FNDC3B: variants seen among roughly 807,000 people sequenced by gnomAD.
FNDC3B encodes fibronectin type III domain containing 3B.
FNDC3B carries 12 observed loss-of-function variants against 151.5 expected under a neutral mutation model. The observed-to-expected ratio is 0.08, with a 90% CI of 0.05 to 0.13. FNDC3B has a LOEUF of 0.13. Among genes scored for constraint, FNDC3B ranks in the 10% least tolerant of loss-of-function variants. The pLI, the probability that FNDC3B is intolerant of heterozygous loss-of-function variation, is 1.00. For synonymous variants in FNDC3B, 528 were observed against 549.0 expected, an observed-to-expected ratio of 0.96 and a Z score of 0.54; for missense variants, 1,214 against 1,505.3, an observed-to-expected ratio of 0.81 and a Z score of 3.20.
In FNDC3B at chr3:172,039,682, C is replaced by T. The variant is rs1715918244; in HGVS notation, c.-118C>T. ...GCGGCGGCGGGAGCAGCGAAGGGGG[C>T]GGCAGGGATCCTCCAGGCTGCCGGC... On this transcript the variant is annotated 5_prime_UTR_variant, in exon 1 of 26. Coordinates refer to ENST00000415807, the MANE Select transcript of FNDC3B (RefSeq NM_022763.4). 1 of 164,252 alleles carries T rather than the reference C, an allele frequency of 6.1e-6. No homozygotes were observed. Among genetic ancestry groups the T allele is most frequent in the Non-Finnish European group, 1.3e-5 (1 of 77,556 alleles). The allele number at this position is 164,252 out of a possible 1,614,324, so 10.2% of individuals were successfully genotyped here. A position where few individuals can be genotyped will look rare whatever the true frequency, so the allele number is the denominator to read the frequency against.
chr3:172,181,108 G>GT (rs199938677), intron 3 of FNDC3B, among the ~76,000 whole-genome samples: 124,668 of 151,932 alleles, frequency 0.82, 51,781 homozygotes, highest in African/African-American at 0.95. Context: ...TATATTCTAA[G>GT]ATGACAGCCT....
At chr3:172,212,913 T>C (rs773562108) in intron 3 of FNDC3B, among the ~76,000 whole-genome samples, 4 of 152,104 alleles carry the variant, frequency 2.6e-5, no homozygotes, top group Admixed American at 6.5e-5. Context: ...ATGCATATGC[T>C]ATGGTCACAG....
intron 1 of FNDC3B, among the ~76,000 whole-genome samples, chr3:172,092,509 T>G (rs1718889919): frequency 6.6e-6 from 1 of 152,218 alleles, no homozygotes; most frequent in Non-Finnish European, 1.5e-5. Flanking sequence ...TTTTTGAGTA[T>G]CTCTCAGAGA....
At chr3:172,346,259 A>G in intron 19 of FNDC3B, 68 bp from the exon 20 acceptor site, 1 of 835,548 alleles carries the variant, frequency 1.2e-6, no homozygotes, top group Non-Finnish European at 1.9e-6. Context: ...AAGCTTTTGT[A>G]TGCACACACA....
At chr3:172,096,039 C>G (rs1003971076) in intron 1 of FNDC3B, among the ~76,000 whole-genome samples, 1 of 152,182 alleles carries the variant, frequency 6.6e-6, no homozygotes, top group Non-Finnish European at 1.5e-5. Flanking sequence ...TCTAAAATAT[C>G]TTAAGCCACA....
At chr3:172,383,935 T>C (rs114246275) in intron 25 of FNDC3B, among the ~76,000 whole-genome samples, 70 of 152,264 alleles carry the variant, frequency 4.6e-4, no homozygotes, top group African/African-American at 1.6e-3. Context: ...GCACTTTTAA[T>C]AGGAGCGTTC....
intron 3 of FNDC3B, among the ~76,000 whole-genome samples, chr3:172,145,039 C>G (rs905708451): frequency 6.6e-6 from 1 of 151,640 alleles, no homozygotes; most frequent in African/African-American, 2.4e-5. Flanking sequence ...AAGATTATTT[C>G]CCCCCTAAGT....
At chr3:172,123,238 T>C (rs1006641272) in intron 2 of FNDC3B, among the ~76,000 whole-genome samples, 15 of 152,246 alleles carry the variant, frequency 9.9e-5, no homozygotes, top group Admixed American at 9.2e-4. Context: ...ATAGTCCCCT[T>C]ATGTTGCCCA....
chr3:172,159,396 A>G (rs1722661083), intron 3 of FNDC3B, among the ~76,000 whole-genome samples: 1 of 152,164 alleles, frequency 6.6e-6, no homozygotes, highest in South Asian at 2.1e-4. Context: ...TGTCTTGATT[A>G]CTGTAGCTAC....
intron 1 of FNDC3B, among the ~76,000 whole-genome samples, chr3:172,063,874 T>TA (rs1717350904): frequency 6.6e-6 from 1 of 152,132 alleles, no homozygotes; most frequent in African/African-American, 2.4e-5. Flanking sequence ...CAAATTTATT[T>TA]ATATGTTGAA....
intron 3 of FNDC3B, among the ~76,000 whole-genome samples, chr3:172,202,565 A>C (rs1451475769): frequency 6.6e-6 from 1 of 152,242 alleles, no homozygotes; most frequent in Middle Eastern, 3.2e-3. Context: ...GCAAGTGGTT[A>C]TTCCTAATTT....
At chr3:172,226,317 A>AG (rs1259680008) in intron 3 of FNDC3B, among the ~76,000 whole-genome samples, 215 of 151,914 alleles carry the variant, frequency 1.4e-3, no homozygotes, top group Middle Eastern at 6.8e-3. Context: ...AAAAAAAAAA[A>AG]AAAAAATGTA....
At chr3:172,168,861 G>A (rs531054175) in intron 3 of FNDC3B, among the ~76,000 whole-genome samples, 16 of 150,994 alleles carry the variant, frequency 1.1e-4, no homozygotes, top group African/African-American at 1.9e-4. Context: ...TACAGGCGGC[G>A]CCACCACTCC....
At chr3:172,182,387 A>G (rs1723958088) in intron 3 of FNDC3B, among the ~76,000 whole-genome samples, 1 of 152,204 alleles carries the variant, frequency 6.6e-6, no homozygotes, top group Admixed American at 6.5e-5. Flanking sequence ...TGAATGTGGT[A>G]TGCTAGACAC....
intron 6 of FNDC3B, among the ~76,000 whole-genome samples, chr3:172,262,591 A>AT (rs150307373): frequency 0.035 from 5,205 of 149,752 alleles, 245 homozygotes; most frequent in African/African-American, 0.11. Context: ...GAAATTGAGA[A>AT]TTTTTTTTTT....
chr3:172,089,644 A>G (rs1168260319), intron 1 of FNDC3B, among the ~76,000 whole-genome samples: 1 of 152,316 alleles, frequency 6.6e-6, no homozygotes, highest in African/African-American at 2.4e-5. Flanking sequence ...CACTATCTTA[A>G]TATCTCTGAC....
intron 1 of FNDC3B, among the ~76,000 whole-genome samples, chr3:172,102,886 A>G (rs79047772): frequency 0.016 from 2,386 of 152,266 alleles, 28 homozygotes; most frequent in Non-Finnish European, 0.022. Flanking sequence ...AACACATAAC[A>G]TTTCAAATTT....
rs551730916 is a variant in FNDC3B, at chr3:172,181,405, A to C, written c.188-45466A>C. ...GTGAGACTCTGTCTCCAAAAAAAAAAAAAAAAAAACAAAAAAAAACACCTT... is the reference window on the plus strand; with the variant it reads ...GTGAGACTCTGTCTCCAAAAAAAAACAAAAAAAAACAAAAAAAAACACCTT... On this transcript the variant is annotated intron_variant, in intron 3 of 25. Transcript: ENST00000415807. Among the ~76,000 whole-genome samples the C allele has an allele frequency of 5.8e-4, 85 of 146,196 alleles. 1 individual carries two copies. Among genetic ancestry groups the C allele is most frequent in the East Asian group, 3.9e-3 (20 of 5,106 alleles).
intron 1 of FNDC3B, among the ~76,000 whole-genome samples, chr3:172,064,589 A>G (rs764776296): frequency 1.3e-5 from 2 of 152,242 alleles, no homozygotes; most frequent in Admixed American, 1.3e-4. Context: ...CAACTCCCCA[A>G]TGCAAAGTGT....
Sources: allele counts gnomAD v4.1 joint callset (sites outside exome capture counted in the v4.1 genomes callset), GRCh38; gene constraint gnomAD v4.1.1; transcripts MANE v1.5; gene names NCBI Gene and HGNC (gene_info 2026-07-23, HGNC 2026-07-21).